Variants in TENM2 observed in about 807,000 individuals in gnomAD.
TENM2 encodes teneurin-2.
TENM2 carries 52 observed loss-of-function variants against 245.2 expected under a neutral mutation model. The observed-to-expected ratio is 0.21, with a 90% CI of 0.17 to 0.27. The LOEUF (loss-of-function observed/expected upper bound fraction) is 0.27, where lower values mean the gene tolerates loss of function less well. Among genes scored for constraint, TENM2 ranks in the 10% least tolerant of loss-of-function variants. The probability of loss-of-function intolerance (pLI) is 1.00; values close to 1 mark genes in which losing one functional copy is unlikely to be tolerated. For missense variants in TENM2, 3,046 were observed against 3,666.8 expected (o/e 0.83, Z 4.37); for synonymous variants, 1,363 against 1,438.9 (o/e 0.95, Z 1.19).
At chr5:168,201,834 A>G (rs941358118) in intron 17 of TENM2, among the ~76,000 whole-genome samples, 4 of 150,604 alleles carry the variant, frequency 2.7e-5, no homozygotes, top group African/African-American at 9.9e-5. Flanking sequence ...GGGTTGTACA[A>G]TTTCCCATAT....
intron 2 of TENM2, among the ~76,000 whole-genome samples, chr5:167,640,614 C>A (rs1779490639): frequency 1.5e-5 from 2 of 130,600 alleles, no homozygotes; most frequent in African/African-American, 6.1e-5. Context: ...AGCGAAACTC[C>A]ATCTCAAAAA....
chr5:167,838,757 A>G (rs1336590846), intron 2 of TENM2, among the ~76,000 whole-genome samples: 2 of 152,128 alleles, frequency 1.3e-5, no homozygotes, highest in Non-Finnish European at 2.9e-5. Flanking sequence ...TTCATCACCT[A>G]TACAGGAAAA....
intron 1 of TENM2, among the ~76,000 whole-genome samples, chr5:167,358,588 T>C (rs1026058320): frequency 1.3e-5 from 2 of 152,044 alleles, no homozygotes; most frequent in East Asian, 3.9e-4. Flanking sequence ...GACCCGGGGC[T>C]CAATTCTTGA....
At chr5:167,702,800 G>A (rs1051947658) in intron 2 of TENM2, among the ~76,000 whole-genome samples, 13 of 151,966 alleles carry the variant, frequency 8.6e-5, no homozygotes, top group Admixed American at 8.5e-4. Flanking sequence ...AAGTAGCTGG[G>A]ATTACAGGCA....
Position 167,407,754 on chromosome 5 carries a change from T to C in TENM2, c.502+32281T>C, listed in dbSNP as rs536293606. On this transcript the variant is annotated intron_variant, in intron 2 of 28. Transcript: ENST00000518659. ...ATTGCTTGAATGTGGGAGGTGGAGGTTGCAGTGAGCAGAGATCATGCCAGT... is the reference window on the plus strand; with the variant it reads ...ATTGCTTGAATGTGGGAGGTGGAGGCTGCAGTGAGCAGAGATCATGCCAGT... Among the ~76,000 whole-genome samples, 4 of 151,960 alleles carry C rather than the reference T, an allele frequency of 2.6e-5. No homozygotes were observed. In the South Asian group the frequency reaches 8.3e-4, roughly 32 times the overall value.
intron 2 of TENM2, among the ~76,000 whole-genome samples, chr5:167,405,708 TA>T (rs1762591787): frequency 6.6e-6 from 1 of 151,436 alleles, no homozygotes; most frequent in African/African-American, 2.4e-5. Flanking sequence ...CCTGTAATTT[TA>T]GGACATAAGC....
chr5:167,352,576 C>T (rs1758989445), intron 1 of TENM2, among the ~76,000 whole-genome samples: 1 of 152,226 alleles, frequency 6.6e-6, no homozygotes, highest in South Asian at 2.1e-4. Context: ...TCCCTTTAGC[C>T]TTTGGGCTTA....
chr5:167,779,184 G>A (rs1484250631), intron 2 of TENM2, among the ~76,000 whole-genome samples: 1 of 152,166 alleles, frequency 6.6e-6, no homozygotes, highest in East Asian at 1.9e-4. Context: ...CTTCCTGGAG[G>A]GTGTTTTGTG....
At position 168,047,606 on chromosome 5, in the gene TENM2, G is replaced by T. The variant is rs190356880; in HGVS notation, c.1309+57G>T. The T allele has an allele frequency of 2.7e-5, 42 of 1,528,218 alleles. No individual in the cohort carries two copies. In the East Asian group the frequency reaches 8.9e-4, roughly 32 times the overall value. 94.7% of individuals were successfully genotyped at this position (1,528,218 alleles called of 1,614,324 possible). ...GGTCACAGGAAAATTCTGAGCTCTC[G>T]CCAGCTGGTTCAGGTTTTCTAATCC... On this transcript the variant is annotated intron_variant, in intron 6 of 28. Coordinates refer to ENST00000518659, the Ensembl canonical transcript of TENM2.
chr5:167,957,582 A>G (rs916946509), intron 4 of TENM2, among the ~76,000 whole-genome samples: 5 of 152,010 alleles, frequency 3.3e-5, no homozygotes, highest in Non-Finnish European at 7.4e-5. Flanking sequence ...TCGATTTTAG[A>G]TTGTTCCTGC....
intron 2 of TENM2, among the ~76,000 whole-genome samples, chr5:167,727,343 A>G (rs1414153563): frequency 6.6e-6 from 1 of 151,796 alleles, no homozygotes; most frequent in East Asian, 1.9e-4. Context: ...CGATCCCCTG[A>G]CCTCGTGATC....
chr5:167,706,146 A>T (rs1413579792), intron 2 of TENM2, among the ~76,000 whole-genome samples: 3 of 145,864 alleles, frequency 2.1e-5, no homozygotes, highest in Non-Finnish European at 4.5e-5. Flanking sequence ...CAGTATATAG[A>T]TGGTGTGTAT....
intron 1 of TENM2, among the ~76,000 whole-genome samples, chr5:167,320,946 C>A (rs1478919451): frequency 6.7e-5 from 10 of 150,284 alleles, no homozygotes; most frequent in African/African-American, 2.0e-4. Flanking sequence ...GACAAACAAA[C>A]AAAAAAAAAC....
intron 5 of TENM2, among the ~76,000 whole-genome samples, chr5:168,027,118 C>G (rs531900301): frequency 6.6e-6 from 1 of 152,118 alleles, no homozygotes; most frequent in Non-Finnish European, 1.5e-5. Flanking sequence ...CACACACACA[C>G]GTGCATGTGA....
chr5:167,180,493 G>A, the TENM2 span, among the ~76,000 whole-genome samples: 1 of 152,290 alleles, frequency 6.6e-6, no homozygotes, highest in South Asian at 2.1e-4. Flanking sequence ...GACAGGCTGA[G>A]TTTTGCTGTC....
chr5:167,326,456 C>T (rs904609353), intron 1 of TENM2, among the ~76,000 whole-genome samples: 5 of 151,966 alleles, frequency 3.3e-5, no homozygotes, highest in Admixed American at 2.6e-4. Context: ...GGGCAGATCA[C>T]GAGGTCATGA....
intron 7 of TENM2, among the ~76,000 whole-genome samples, chr5:168,064,429 A>G (rs1224414446): frequency 6.6e-6 from 1 of 152,056 alleles, no homozygotes; most frequent in Admixed American, 6.6e-5. Context: ...CTTCTCTTGC[A>G]TGCTCCAGGA....
chr5:167,600,643 T>G (rs955692038), intron 2 of TENM2, among the ~76,000 whole-genome samples: 5 of 152,178 alleles, frequency 3.3e-5, no homozygotes, highest in Non-Finnish European at 5.9e-5. Context: ...TGAAAACAAC[T>G]CTTTCTCTAG....
chr5:167,573,556 C>T (rs1046624321), intron 2 of TENM2, among the ~76,000 whole-genome samples: 1 of 151,966 alleles, frequency 6.6e-6, no homozygotes, highest in Non-Finnish European at 1.5e-5. Flanking sequence ...TTCTCTCCCT[C>T]TCTCCTCGCT....
Sources: allele counts gnomAD v4.1 joint callset (sites outside exome capture counted in the v4.1 genomes callset), GRCh38; gene constraint gnomAD v4.1.1; transcripts MANE v1.5; gene names NCBI Gene and HGNC (gene_info 2026-07-23, HGNC 2026-07-21).